DNAH9: variants seen among roughly 807,000 people sequenced by gnomAD.
DNAH9 encodes dynein axonemal heavy chain 9, also known as DNAH9 variant protein.
In DNAH9, 345 loss-of-function variants were observed where a neutral mutation model predicts 471.6. The observed-to-expected ratio is 0.73, with a 90% CI of 0.67 to 0.80. The LOEUF (loss-of-function observed/expected upper bound fraction) is 0.80. Ranked by LOEUF, DNAH9 falls within the 30% of genes least tolerant of loss-of-function variation. The pLI is 0.00. For synonymous variants in DNAH9, 2,093 were observed against 2,123.6 expected (o/e 0.99, Z 0.40); for missense variants, 5,407 against 5,609.2 (o/e 0.96, Z 1.15).
chr17:11,848,420 A>G (rs1011305169), intron 49 of DNAH9, among the ~76,000 whole-genome samples: 6 of 151,908 alleles, frequency 3.9e-5, no homozygotes, highest in African/African-American at 1.4e-4. Flanking sequence ...TATTTAAATA[A>G]TATTTCCCAG....
chr17:11,956,249 G>C (rs987534390), intron 67 of DNAH9, among the ~76,000 whole-genome samples: 1 of 152,180 alleles, frequency 6.6e-6, no homozygotes, highest in Non-Finnish European at 1.5e-5. Context: ...TACCATGGAT[G>C]AAGAGGAGTA....
chr17:11,774,178 C>T (rs921595047), intron 38 of DNAH9, among the ~76,000 whole-genome samples: 1 of 151,656 alleles, frequency 6.6e-6, no homozygotes, highest in African/African-American at 2.4e-5. Flanking sequence ...ACAGCTAATA[C>T]ACCACCCCTG....
At chr17:11,823,177 A>C in intron 48 of DNAH9, 143 bp downstream of exon 48, 2 of 725,436 alleles carry the variant, frequency 2.8e-6, no homozygotes, top group South Asian at 1.9e-5. Context: ...AGTATCTATT[A>C]TGTTCTCGTG....
chr17:11,919,494 CA>C (rs140861717), intron 61 of DNAH9, among the ~76,000 whole-genome samples: 1 of 107,552 alleles, frequency 9.3e-6, no homozygotes, highest in African/African-American at 3.7e-5. Flanking sequence ...GACTCCGTCT[CA>C]AAAAAAAAAG....
chr17:11,747,646 T>A lies in DNAH9; in HGVS notation c.6490T>A (p.Leu2164Met), dbSNP rs1430891490. 1.2e-6 allele frequency: 2 copies of A among 1,614,148 alleles called. No homozygotes were observed. Among genetic ancestry groups the A allele is most frequent in the Non-Finnish European group, 1.7e-6 (2 of 1,180,010 alleles). The change falls in exon 32 of 69, where the codon TTG becomes ATG. Residue 2164 changes from leucine to methionine, a missense_variant. Physicochemically the swap from Leu to Met is conservative, Grantham distance 15 (BLOSUM62 2). Coordinates refer to ENST00000262442, the MANE Select transcript of DNAH9 (RefSeq NM_001372.4). ...CGGCAAGTCACAGGTGCTGAGGTCCTTGCACAAGACCTATCAGATCATGAA... is the reference window on the plus strand; with the variant it reads ...CGGCAAGTCACAGGTGCTGAGGTCCATGCACAAGACCTATCAGATCATGAA... ...GTGKSQVLRS[L>M]HKTYQIMKRR...
At chr17:11,810,165 T>A in intron 44 of DNAH9, 81 bp from the exon 45 acceptor site, 2 of 1,484,972 alleles carry the variant, frequency 1.3e-6, no homozygotes, top group Non-Finnish European at 1.8e-6. Context: ...AGAAAACGGT[T>A]CCATTTCTAA....
At chr17:11,774,950 T>C (rs995377141) in intron 38 of DNAH9, among the ~76,000 whole-genome samples, 25 of 152,164 alleles carry the variant, frequency 1.6e-4, no homozygotes, top group African/African-American at 5.5e-4. Flanking sequence ...CATGAAATCA[T>C]CATAATTGAA....
Position 11,778,049 on chromosome 17 carries a change from C to G in DNAH9, c.7553-2960C>G, listed in dbSNP as rs995414087. Among the ~76,000 whole-genome samples the G allele has an allele frequency of 1.3e-5, 2 of 151,882 alleles. 1 individual carries two copies. Among genetic ancestry groups the G allele is most frequent in the Non-Finnish European group, 2.9e-5 (2 of 67,996 alleles). The stretch of plus-strand genomic sequence containing the variant: ...AGGTGGGGCTTTGAACTTTAGGGCG[C>G]GTACCAGGGAAGACCTTACTGGAAA... On this transcript the variant is annotated intron_variant, in intron 38 of 68. Transcript: ENST00000262442.
chr17:11,793,986 G>T (rs1969151769), intron 42 of DNAH9, among the ~76,000 whole-genome samples: 1 of 141,290 alleles, frequency 7.1e-6, no homozygotes, highest in African/African-American at 2.7e-5. Flanking sequence ...TCATCCCATT[G>T]TTTCCAAGGC....
intron 15 of DNAH9, among the ~76,000 whole-genome samples, chr17:11,668,023 AT>A (rs755264675): frequency 6.6e-5 from 10 of 152,240 alleles, no homozygotes; most frequent in Admixed American, 1.3e-4. Context: ...TCATATAAAA[AT>A]AAGTGGTTAT....
intron 6 of DNAH9, among the ~76,000 whole-genome samples, chr17:11,627,470 G>GT (rs1217389727): frequency 6.6e-6 from 1 of 152,156 alleles, no homozygotes; most frequent in Non-Finnish European, 1.5e-5. Flanking sequence ...TGACGAATGA[G>GT]TACCAAGGTT....
chr17:11,719,024 G>A (rs540718965), intron 26 of DNAH9, among the ~76,000 whole-genome samples: 1 of 152,248 alleles, frequency 6.6e-6, no homozygotes, highest in South Asian at 2.1e-4. Context: ...GATGAACGGA[G>A]CTCTATATGG....
At chr17:11,883,532 G>T in intron 55 of DNAH9, 54 bp from the exon 56 acceptor site, 1 of 1,595,808 alleles carries the variant, frequency 6.3e-7, no homozygotes, top group South Asian at 1.1e-5. Context: ...CACATCCTTA[G>T]AGCAGGATGC....
At chr17:11,866,887 G>A (rs963072016) in intron 50 of DNAH9, among the ~76,000 whole-genome samples, 8 of 152,220 alleles carry the variant, frequency 5.3e-5, no homozygotes, top group Non-Finnish European at 7.3e-5. Flanking sequence ...GGCAGTATTC[G>A]GGTGGGAGTG....
intron 43 of DNAH9, among the ~76,000 whole-genome samples, chr17:11,805,307 G>A (rs1969625165): frequency 1.3e-5 from 2 of 152,080 alleles, no homozygotes; most frequent in Non-Finnish European, 2.9e-5. Context: ...ACACTCACAT[G>A]TTGTTCATGC....
intron 6 of DNAH9, among the ~76,000 whole-genome samples, chr17:11,621,264 C>T (rs1443878426): frequency 2.0e-5 from 3 of 151,688 alleles, no homozygotes; most frequent in Admixed American, 6.6e-5. Flanking sequence ...AAAAATTAGC[C>T]GGGTGTGGTG....
chr17:11,768,017 G>A (rs567400126), intron 36 of DNAH9, among the ~76,000 whole-genome samples: 61 of 152,142 alleles, frequency 4.0e-4, no homozygotes, highest in Admixed American at 8.5e-4. Context: ...TCACTGCAGC[G>A]CTCTGTGCCC....
At chr17:11,639,671 A>G (rs2073231195) in intron 9 of DNAH9, among the ~76,000 whole-genome samples, 1 of 152,164 alleles carries the variant, frequency 6.6e-6, no homozygotes, top group African/African-American at 2.4e-5. Flanking sequence ...GAGTGTTTCA[A>G]CCCTGACTGT....
rs756356669 is a variant in DNAH9, at chr17:11,783,796, G to A, written c.7821+48G>A. 3.4e-6 allele frequency: 5 copies of A among 1,457,002 alleles called. No homozygotes were observed. In the South Asian group the frequency reaches 5.7e-5, roughly 17 times the overall value. 90.3% of individuals were successfully genotyped at this position (1,457,002 alleles called of 1,614,324 possible). A position where few individuals can be genotyped will look rare whatever the true frequency, so the allele number is the denominator to read the frequency against. On this transcript the variant is annotated intron_variant, in intron 40 of 68. Transcript: ENST00000262442. ...TGGGTCCTAATCCTATCTTACTAGA[G>A]CTGATGCCCCTTGATTATAAGTATA...
Sources: gnomAD v4.1 joint callset for allele counts (sites outside exome capture counted in the v4.1 genomes callset) on GRCh38, gnomAD v4.1.1 for gene constraint, MANE v1.5 for transcripts, NCBI Gene and HGNC (gene_info 2026-07-23, HGNC 2026-07-21) for gene names.